The following RGS7 variants were observed in gnomAD, a reference collection of about 807,000 sequenced individuals.
RGS7 encodes the protein regulator of G-protein signaling 7.
RGS7 carries 27 observed loss-of-function variants against 81.1 expected under a neutral mutation model. The observed-to-expected ratio is 0.33, with a 90% CI of 0.25 to 0.46. RGS7 has a LOEUF of 0.46. Among genes scored for constraint, RGS7 ranks in the 20% least tolerant of loss-of-function variants. RGS7 has a pLI of 1.00. For missense variants in RGS7, 396 were observed against 607.4 expected (o/e 0.65, Z 3.66); for synonymous variants, 208 against 207.7 (o/e 1.00, Z -0.01).
rs532486629 is a variant in RGS7 at position 240,834,057 on chromosome 1, T to C, written c.610-6885A>G. Reference sequence around the variant, plus strand: ...CCATCTCAGCCTCCTAAAGCTCTGGTATTACAGGTGCGAAGCACTGTGCCT... The same window carrying C: ...CCATCTCAGCCTCCTAAAGCTCTGGCATTACAGGTGCGAAGCACTGTGCCT... On this transcript the variant is annotated intron_variant, in intron 9 of 18. Coordinates refer to ENST00000440928, the MANE Select transcript of RGS7 (RefSeq NM_001364886.1). Among the ~76,000 whole-genome samples the C allele has an allele frequency of 2.6e-5, 4 of 152,318 alleles. No individual in the cohort carries two copies. The South Asian group carries it at 8.3e-4, about 32-fold the overall frequency.
At chr1:240,790,666 C>T (rs1262078314) in intron 18 of RGS7, among the ~76,000 whole-genome samples, 2 of 152,180 alleles carry the variant, frequency 1.3e-5, no homozygotes, top group Non-Finnish European at 2.9e-5. Flanking sequence ...GAATGGTCTG[C>T]TGTCTACGGG....
At chr1:240,981,504 G>T (rs1415146681) in intron 4 of RGS7, among the ~76,000 whole-genome samples, 2 of 152,108 alleles carry the variant, frequency 1.3e-5, no homozygotes, top group Non-Finnish European at 2.9e-5. Context: ...GATTAGCCAT[G>T]ACTGTGTCAA....
At chr1:240,921,046 A>T (rs1452880261) in intron 6 of RGS7, among the ~76,000 whole-genome samples, 3 of 152,068 alleles carry the variant, frequency 2.0e-5, no homozygotes, top group African/African-American at 7.2e-5. Context: ...GGGTGATGCC[A>T]GGTTCTATTT....
intron 18 of RGS7, among the ~76,000 whole-genome samples, chr1:240,786,463 C>A (rs1685088415): frequency 6.6e-6 from 1 of 151,936 alleles, no homozygotes; most frequent in African/African-American, 2.4e-5. Flanking sequence ...GAGATGCAAC[C>A]AACATTTAGA....
intron 2 of RGS7, among the ~76,000 whole-genome samples, chr1:241,316,387 C>A (rs1183866737): frequency 6.6e-6 from 1 of 152,214 alleles, no homozygotes; most frequent in Non-Finnish European, 1.5e-5. Context: ...AAAGTCCCTA[C>A]CTTCTAATCA....
chr1:241,175,167 G>T (rs1168118062), intron 2 of RGS7, among the ~76,000 whole-genome samples: 1 of 152,082 alleles, frequency 6.6e-6, no homozygotes, highest in Non-Finnish European at 1.5e-5. Flanking sequence ...CTCTCAAAGT[G>T]CTGGGATTAC....
At chr1:241,354,995 T>G (rs535261925) in intron 2 of RGS7, among the ~76,000 whole-genome samples, 1 of 152,346 alleles carries the variant, frequency 6.6e-6, no homozygotes, top group South Asian at 2.1e-4. Context: ...TTATTATGGT[T>G]GCTCAGTGTC....
chr1:241,350,319 A>G (rs1020629237), intron 2 of RGS7, among the ~76,000 whole-genome samples: 13 of 152,198 alleles, frequency 8.5e-5, no homozygotes, highest in African/African-American at 2.7e-4. Context: ...GAATATGTTT[A>G]GGGTAGACAA....
chr1:240,956,560 T>C (rs1680464027), intron 4 of RGS7, among the ~76,000 whole-genome samples: 1 of 152,152 alleles, frequency 6.6e-6, no homozygotes, highest in African/African-American at 2.4e-5. Context: ...GTACATTTAG[T>C]AACTGTTTTT....
At chr1:241,064,844 G>C (rs1386612107) in intron 3 of RGS7, among the ~76,000 whole-genome samples, 2 of 152,088 alleles carry the variant, frequency 1.3e-5, no homozygotes, top group African/African-American at 4.8e-5. Context: ...CATGAAGGAG[G>C]AGAAAAGAGG....
intron 4 of RGS7, among the ~76,000 whole-genome samples, chr1:240,946,995 T>C (rs1490025407): frequency 6.6e-6 from 1 of 152,186 alleles, no homozygotes; most frequent in African/African-American, 2.4e-5. Flanking sequence ...TATAAATATA[T>C]ACAACTATAA....
At chr1:240,887,283 C>T (rs1415530499) in intron 6 of RGS7, among the ~76,000 whole-genome samples, 1 of 139,086 alleles carries the variant, frequency 7.2e-6, no homozygotes, top group Non-Finnish European at 1.5e-5. Context: ...GGCCGGAGTG[C>T]AGTGGCGCGA....
chr1:240,980,795 C>A (rs1006416304), intron 4 of RGS7, among the ~76,000 whole-genome samples: 2 of 152,072 alleles, frequency 1.3e-5, no homozygotes, highest in Non-Finnish European at 2.9e-5. Flanking sequence ...GGGTGAATTA[C>A]TTCATTCAAA....
At chr1:240,832,182 G>A (rs184473712) in intron 9 of RGS7, among the ~76,000 whole-genome samples, 2 of 152,124 alleles carry the variant, frequency 1.3e-5, no homozygotes, top group African/African-American at 4.8e-5. Flanking sequence ...TTCCCAATAA[G>A]ATATAAATAA....
intron 2 of RGS7, among the ~76,000 whole-genome samples, chr1:241,312,586 C>G (rs563918799): frequency 6.6e-6 from 1 of 152,270 alleles, no homozygotes; most frequent in East Asian, 1.9e-4. Flanking sequence ...ACCCACACCC[C>G]TTTAAAATGG....
chr1:241,325,217 T>C (rs574403846), intron 2 of RGS7, among the ~76,000 whole-genome samples: 1 of 152,336 alleles, frequency 6.6e-6, no homozygotes, highest in South Asian at 2.1e-4. Flanking sequence ...AAAACTTTCC[T>C]AATAAGTTGG....
chr1:241,308,126 G>T (rs952802026), intron 2 of RGS7, among the ~76,000 whole-genome samples: 2 of 151,750 alleles, frequency 1.3e-5, no homozygotes, highest in African/African-American at 4.9e-5. Context: ...AATGATGCCA[G>T]GCTTTGCTGT....
At chr1:241,106,837 C>A (rs191082078) in intron 2 of RGS7, among the ~76,000 whole-genome samples, 2 of 145,130 alleles carry the variant, frequency 1.4e-5, no homozygotes, top group African/African-American at 5.2e-5. Context: ...AAATTTTATC[C>A]TTTTGTGATT....
chr1:241,291,704 G>A (rs541477617), intron 2 of RGS7, among the ~76,000 whole-genome samples: 38 of 150,418 alleles, frequency 2.5e-4, no homozygotes, highest in Middle Eastern at 3.5e-3. Flanking sequence ...TCAGCCTCCC[G>A]AGTAGCTGAG....
Sources: allele counts gnomAD v4.1 joint callset (sites outside exome capture counted in the v4.1 genomes callset), GRCh38; gene constraint gnomAD v4.1.1; transcripts MANE v1.5; gene names NCBI Gene and HGNC (gene_info 2026-07-23, HGNC 2026-07-21).